The following FHIT variants were observed in gnomAD, a reference collection of about 807,000 sequenced individuals.
The protein encoded by FHIT is bis(5'-adenosyl)-triphosphatase.
Under a neutral mutation model 17.9 loss-of-function variants are expected in FHIT, and 19 were observed. The ratio of observed to expected loss-of-function variants is 1.06; its 90% CI spans 0.74 to 1.56. The LOEUF is 1.56. FHIT is among the 40% of genes most tolerant of loss of function. FHIT has a pLI of 0.00. For missense variants in FHIT, 248 were observed against 189.2 expected, an observed-to-expected ratio of 1.31 and a Z score of -1.82; for synonymous variants, 81 against 69.7, an observed-to-expected ratio of 1.16 and a Z score of -0.81.
intron 2 of FHIT, among the ~76,000 whole-genome samples, chr3:61,072,067 T>C (rs1221803385): frequency 6.6e-6 from 1 of 152,312 alleles, no homozygotes; most frequent in East Asian, 1.9e-4. Flanking sequence ...CAGAAACATT[T>C]GGATTCAAAT....
intron 4 of FHIT, among the ~76,000 whole-genome samples, chr3:60,620,779 G>A (rs114411643): frequency 1.7e-3 from 265 of 152,128 alleles, no homozygotes; most frequent in African/African-American, 5.9e-3. Flanking sequence ...AATGCAGACT[G>A]AACCATAACA....
At chr3:60,117,497 A>G (rs1479037474) in intron 5 of FHIT, among the ~76,000 whole-genome samples, 1 of 95,286 alleles carries the variant, frequency 1.0e-5, no homozygotes, top group East Asian at 8.2e-4. Flanking sequence ...TCCTATCTAA[A>G]AAAAAAAAAA....
chr3:60,078,330 C>A (rs1703123666), intron 5 of FHIT, among the ~76,000 whole-genome samples: 1 of 152,068 alleles, frequency 6.6e-6, no homozygotes, highest in Admixed American at 6.6e-5. Flanking sequence ...TGATATAATG[C>A]ACTAAGAAGG....
At position 60,181,145 on chromosome 3, in the gene FHIT, A is replaced by T. The variant is rs924060600; in HGVS notation, c.104-166993T>A. 3.9e-4 allele frequency among the ~76,000 whole-genome samples: 49 copies of T among 125,584 alleles called. 1 individual carries two copies. The highest frequency in any genetic ancestry group is 3.6e-4 in the Non-Finnish European group (22 of 61,844). The allele number at this position is 125,584 out of a possible 152,430, so 82.4% of individuals were successfully genotyped here. ...ATTACACAGATTACAAATTTTTTTAATTTTTTTTTTTTTTTTTTTGAGACT... is the reference window on the plus strand; with the variant it reads ...ATTACACAGATTACAAATTTTTTTATTTTTTTTTTTTTTTTTTTTGAGACT... On this transcript the variant is annotated intron_variant, in intron 5 of 9. Coordinates refer to ENST00000492590, the MANE Select transcript of FHIT (RefSeq NM_002012.4).
chr3:59,851,645 G>T (rs1041084670), intron 8 of FHIT, among the ~76,000 whole-genome samples: 1 of 152,096 alleles, frequency 6.6e-6, no homozygotes, highest in African/African-American at 2.4e-5. Context: ...CCTCAGTCAG[G>T]CTTATTACAT....
At chr3:61,017,761 A>G (rs2032194523) in intron 3 of FHIT, among the ~76,000 whole-genome samples, 1 of 152,230 alleles carries the variant, frequency 6.6e-6, no homozygotes, top group African/African-American at 2.4e-5. Flanking sequence ...ATCTTCTTCC[A>G]TAAAGACATT....
intron 3 of FHIT, among the ~76,000 whole-genome samples, chr3:60,982,471 C>A (rs561382980): frequency 8.5e-5 from 13 of 152,338 alleles, no homozygotes; most frequent in South Asian, 2.1e-4. Flanking sequence ...TATTGCCAGT[C>A]AATAGTAAAT....
At chr3:60,712,612 G>A (rs1473904440) in intron 4 of FHIT, among the ~76,000 whole-genome samples, 2 of 152,084 alleles carry the variant, frequency 1.3e-5, no homozygotes, top group Non-Finnish European at 2.9e-5. Flanking sequence ...ACAAAAAAAG[G>A]CAAGGGTTGC....
chr3:60,305,622 T>C (rs898820404), intron 5 of FHIT, among the ~76,000 whole-genome samples: 2 of 152,124 alleles, frequency 1.3e-5, no homozygotes, highest in African/African-American at 4.8e-5. Context: ...ATCTTTAAAC[T>C]GTCTAGGAAG....
At chr3:59,753,682 G>T (rs138219004) in intron 8 of FHIT, among the ~76,000 whole-genome samples, 11 of 152,198 alleles carry the variant, frequency 7.2e-5, no homozygotes, top group African/African-American at 1.7e-4. Context: ...TGTGAAAGGC[G>T]CACATTATTT....
chr3:60,505,095 A>T (rs913212181), intron 5 of FHIT, among the ~76,000 whole-genome samples: 2 of 152,296 alleles, frequency 1.3e-5, no homozygotes, highest in East Asian at 3.9e-4. Flanking sequence ...TCCTATTTAG[A>T]TCATGAGCTG....
At chr3:60,175,481 T>C (rs1030597247) in intron 5 of FHIT, among the ~76,000 whole-genome samples, 2 of 151,932 alleles carry the variant, frequency 1.3e-5, no homozygotes, top group African/African-American at 2.4e-5. Context: ...ACAAAAGATA[T>C]AGGGTAGGAG....
chr3:60,027,082 G>C (rs1700769340), intron 5 of FHIT, among the ~76,000 whole-genome samples: 1 of 147,280 alleles, frequency 6.8e-6, no homozygotes, highest in South Asian at 2.1e-4. Flanking sequence ...CTGGGTGACA[G>C]AGTGAGTAAG....
chr3:59,830,933 C>T (rs1701142772), intron 8 of FHIT, among the ~76,000 whole-genome samples: 1 of 152,136 alleles, frequency 6.6e-6, no homozygotes, highest in Admixed American at 6.6e-5. Flanking sequence ...CTGACTGTAC[C>T]AATGAAGCAG....
intron 2 of FHIT, among the ~76,000 whole-genome samples, chr3:61,047,988 A>G (rs564503062): frequency 6.6e-6 from 1 of 151,404 alleles, no homozygotes; most frequent in East Asian, 1.9e-4. Context: ...GATGGATTAA[A>G]GACTTAAATG....
At chr3:60,794,448 C>G (rs1700904577) in intron 4 of FHIT, among the ~76,000 whole-genome samples, 1 of 147,070 alleles carries the variant, frequency 6.8e-6, no homozygotes, top group Non-Finnish European at 1.5e-5. Context: ...AAAGATAAAA[C>G]AGTTTTCCAC....
chr3:60,263,672 G>A (rs9869448), intron 5 of FHIT, among the ~76,000 whole-genome samples: 1 of 151,944 alleles, frequency 6.6e-6, no homozygotes, highest in African/African-American at 2.4e-5. Context: ...AGGGGTGGTA[G>A]AGAGGAGGTG....
intron 4 of FHIT, among the ~76,000 whole-genome samples, chr3:60,573,615 C>T (rs919385441): frequency 2.6e-5 from 4 of 151,988 alleles, no homozygotes; most frequent in Non-Finnish European, 5.9e-5. Flanking sequence ...CAGGAGAAGA[C>T]AAAAAAGGCA....
chr3:60,236,891 G>A (rs1704827070), intron 5 of FHIT, among the ~76,000 whole-genome samples: 1 of 152,042 alleles, frequency 6.6e-6, no homozygotes, highest in Non-Finnish European at 1.5e-5. Flanking sequence ...TACAAGCTTT[G>A]TGTTTGGGTA....
Sources: gnomAD v4.1 joint callset for allele counts (sites outside exome capture counted in the v4.1 genomes callset) on GRCh38, gnomAD v4.1.1 for gene constraint, MANE v1.5 for transcripts, NCBI Gene and HGNC (gene_info 2026-07-23, HGNC 2026-07-21) for gene names.